The following DSCAM variants were observed in gnomAD, a reference collection of about 807,000 sequenced individuals.
DSCAM encodes the protein cell adhesion molecule DSCAM.
Under a neutral mutation model 217.7 loss-of-function variants are expected in DSCAM, and 47 were observed. The ratio of observed to expected loss-of-function variants is 0.22; its 90% CI spans 0.17 to 0.28. The LOEUF is 0.28. DSCAM is among the 10% of genes least tolerant of loss of function. DSCAM has a pLI of 1.00. For synonymous variants in DSCAM, 1,056 were observed against 1,015.3 expected, an observed-to-expected ratio of 1.04 and a Z score of -0.76; for missense variants, 2,080 against 2,618.3, an observed-to-expected ratio of 0.79 and a Z score of 4.49.
chr21:40,825,975 A>G (rs117410603), intron 1 of DSCAM, among the ~76,000 whole-genome samples: 502 of 152,338 alleles, frequency 3.3e-3, no homozygotes, highest in Non-Finnish European at 6.1e-3. Context: ...TAATTATTCA[A>G]TCAGTAACTA....
intron 3 of DSCAM, among the ~76,000 whole-genome samples, chr21:40,466,558 A>G (rs1044495880): frequency 6.6e-6 from 1 of 152,146 alleles, no homozygotes; most frequent in African/African-American, 2.4e-5. Context: ...TTTAATAATA[A>G]TTTATTTCTT....
intron 8 of DSCAM, among the ~76,000 whole-genome samples, chr21:40,326,498 G>C (rs2074318663): frequency 6.6e-6 from 1 of 152,218 alleles, no homozygotes. Context: ...GAGATGGTTA[G>C]CCAGGAAGAC....
intron 11 of DSCAM, among the ~76,000 whole-genome samples, chr21:40,208,723 T>C (rs1473562995): frequency 6.6e-6 from 1 of 152,140 alleles, no homozygotes; most frequent in East Asian, 1.9e-4. Context: ...ATAACTGTTA[T>C]CCGTAGGGGG....
chr21:40,525,160 T>C (rs1365285527), intron 3 of DSCAM, among the ~76,000 whole-genome samples: 1 of 152,200 alleles, frequency 6.6e-6, no homozygotes, highest in Non-Finnish European at 1.5e-5. Context: ...TTCATACTAC[T>C]TGTGTTTTTA....
At chr21:40,108,516 T>C (rs569844185) in intron 20 of DSCAM, among the ~76,000 whole-genome samples, 1 of 152,174 alleles carries the variant, frequency 6.6e-6, no homozygotes, top group African/African-American at 2.4e-5. Context: ...CACAAACAAA[T>C]GGAAAAACAT....
chr21:40,186,384 C>T (rs2090894839), intron 14 of DSCAM, among the ~76,000 whole-genome samples: 1 of 152,176 alleles, frequency 6.6e-6, no homozygotes, highest in South Asian at 2.1e-4. Context: ...CCTTCCCATG[C>T]TGGTGGTGCT....
chr21:40,497,377 A>G (rs1405175888), intron 3 of DSCAM, among the ~76,000 whole-genome samples: 12 of 150,646 alleles, frequency 8.0e-5, no homozygotes, highest in Admixed American at 7.9e-4. Flanking sequence ...CCAGACACAA[A>G]TGACAAACAC....
In DSCAM at chr21:40,524,583, A is replaced by C. The variant is rs537365814; in HGVS notation, c.509-155338T>G. ...TGGTACACATGTCTGCTAAACATAG[A>C]ATCTGGACAAGTCAACTAATTCATT... On this transcript the variant is annotated intron_variant, in intron 3 of 32. Transcript: ENST00000400454. Among the ~76,000 whole-genome samples, 6 of 152,326 alleles carry C rather than the reference A, an allele frequency of 3.9e-5. No individual in the cohort carries two copies. The South Asian group carries it at 1.2e-3, about 32-fold the overall frequency.
At chr21:40,517,255 A>G (rs1248869895) in intron 3 of DSCAM, among the ~76,000 whole-genome samples, 1 of 149,342 alleles carries the variant, frequency 6.7e-6, no homozygotes, top group African/African-American at 2.5e-5. Flanking sequence ...GTGTGTATAT[A>G]TATACCTTAT....
intron 3 of DSCAM, among the ~76,000 whole-genome samples, chr21:40,631,210 C>T (rs1013076036): frequency 3.3e-5 from 5 of 152,184 alleles, no homozygotes; most frequent in African/African-American, 1.2e-4. Flanking sequence ...CACCAGCCTG[C>T]AGATCAGCTC....
chr21:40,131,192 A>G (rs779988822), intron 19 of DSCAM, among the ~76,000 whole-genome samples: 3 of 152,240 alleles, frequency 2.0e-5, no homozygotes, highest in Non-Finnish European at 2.9e-5. Context: ...TCTGTAATCA[A>G]TTTGACTGGG....
chr21:40,320,295 G>A (rs1050404636), intron 8 of DSCAM, among the ~76,000 whole-genome samples: 1 of 152,078 alleles, frequency 6.6e-6, no homozygotes, highest in Non-Finnish European at 1.5e-5. Flanking sequence ...ACAGTGGATT[G>A]AATTATTTTA....
At chr21:40,629,200 G>A (rs1010793928) in intron 3 of DSCAM, among the ~76,000 whole-genome samples, 1 of 151,870 alleles carries the variant, frequency 6.6e-6, no homozygotes, top group Non-Finnish European at 1.5e-5. Flanking sequence ...CTACTCTTAT[G>A]CAGAGGCCCA....
intron 2 of DSCAM, among the ~76,000 whole-genome samples, chr21:40,693,587 AT>A (rs147500798): frequency 1.3e-5 from 2 of 151,650 alleles, no homozygotes; most frequent in African/African-American, 4.8e-5. Flanking sequence ...GCCGAGGAAG[AT>A]TTTTTTTTCT....
At chr21:40,497,022 A>G (rs182094222) in intron 3 of DSCAM, among the ~76,000 whole-genome samples, 17 of 152,270 alleles carry the variant, frequency 1.1e-4, no homozygotes, top group African/African-American at 3.8e-4. Flanking sequence ...ATCAAAGAGA[A>G]CCCTAGTACT....
rs546171812 is a variant in DSCAM at position 40,407,227 on chromosome 21, T to A, written c.509-37982A>T. Among the ~76,000 whole-genome samples the A allele has an allele frequency of 2.0e-5, 3 of 152,346 alleles. 1 individual carries two copies. Among genetic ancestry groups the A allele is most frequent in the African/African-American group, 7.2e-5 (3 of 41,580 alleles). ...GCTCAGTTAGAATAAATTGTGTACA[T>A]TTCCACATTGTATATATATTTCAGA... On this transcript the variant is annotated intron_variant, in intron 3 of 32. Transcript: ENST00000400454.
intron 3 of DSCAM, among the ~76,000 whole-genome samples, chr21:40,641,083 G>C (rs1217668930): frequency 6.6e-6 from 1 of 152,158 alleles, no homozygotes; most frequent in African/African-American, 2.4e-5. Flanking sequence ...ACCAAACCTA[G>C]TAATACATAG....
At chr21:40,537,522 C>T (rs1324360756) in intron 3 of DSCAM, among the ~76,000 whole-genome samples, 1 of 151,862 alleles carries the variant, frequency 6.6e-6, no homozygotes, top group Non-Finnish European at 1.5e-5. Context: ...TGCTTAAGTA[C>T]TAATCCCTAG....
intron 3 of DSCAM, among the ~76,000 whole-genome samples, chr21:40,619,512 CTATT>C (rs1387939743): frequency 5.3e-5 from 8 of 152,098 alleles, no homozygotes; most frequent in African/African-American, 1.9e-4. Flanking sequence ...TAAAATATAT[CTATT>C]CAACTATTCT....
Sources: gnomAD v4.1 joint callset for allele counts (sites outside exome capture counted in the v4.1 genomes callset) on GRCh38, gnomAD v4.1.1 for gene constraint, MANE v1.5 for transcripts, NCBI Gene and HGNC (gene_info 2026-07-23, HGNC 2026-07-21) for gene names.